Variants in CHCHD3 observed in about 807,000 individuals in gnomAD.
The protein encoded by CHCHD3 is coiled-coil-helix-coiled-coil-helix domain containing 3, also known as MICOS complex subunit MIC19.
In CHCHD3, 20 loss-of-function variants were observed where a neutral mutation model predicts 38.2. The observed-to-expected ratio is 0.52, with a 90% CI of 0.37 to 0.76. The LOEUF is 0.76. Ranked by LOEUF, CHCHD3 falls within the 30% of genes least tolerant of loss-of-function variation. The pLI, the probability that CHCHD3 is intolerant of heterozygous loss-of-function variation, is 0.00. For missense variants in CHCHD3, 245 were observed against 279.2 expected (o/e 0.88, Z 0.87); for synonymous variants, 82 against 100.0 (o/e 0.82, Z 1.07).
chr7:132,913,086 C>G (rs906830142), intron 4 of CHCHD3, among the ~76,000 whole-genome samples: 1 of 152,160 alleles, frequency 6.6e-6, no homozygotes, highest in Admixed American at 6.5e-5. Context: ...TAAATCAAAA[C>G]CCCAACTGTG....
At chr7:132,969,265 T>G (rs567938499) in intron 4 of CHCHD3, among the ~76,000 whole-genome samples, 1 of 152,062 alleles carries the variant, frequency 6.6e-6, no homozygotes, top group South Asian at 2.1e-4. Context: ...AACCTGACAC[T>G]TAACTTCAGA....
At chr7:132,825,479 AC>A (rs998566799) in intron 6 of CHCHD3, among the ~76,000 whole-genome samples, 1 of 152,242 alleles carries the variant, frequency 6.6e-6, no homozygotes, top group Non-Finnish European at 1.5e-5. Context: ...TTTGGTTCCC[AC>A]TTCTTGTCAA....
chr7:133,029,357 T>C (rs891673585), intron 2 of CHCHD3, among the ~76,000 whole-genome samples: 5 of 152,170 alleles, frequency 3.3e-5, no homozygotes, highest in African/African-American at 4.8e-5. Flanking sequence ...GTCACCATCT[T>C]ATAACTGAAA....
At chr7:132,912,387 G>A (rs1809974047) in intron 4 of CHCHD3, among the ~76,000 whole-genome samples, 1 of 152,154 alleles carries the variant, frequency 6.6e-6, no homozygotes, top group South Asian at 2.1e-4. Flanking sequence ...ACTACTAGTG[G>A]TTAAAGGTAA....
intron 4 of CHCHD3, among the ~76,000 whole-genome samples, chr7:132,905,709 C>T (rs1809785890): frequency 6.6e-6 from 1 of 152,174 alleles, no homozygotes; most frequent in Non-Finnish European, 1.5e-5. Context: ...CCACCCCACT[C>T]CTGCCACCAC....
intron 5 of CHCHD3, among the ~76,000 whole-genome samples, chr7:132,863,912 T>C (rs1188815270): frequency 6.6e-6 from 1 of 152,234 alleles, no homozygotes; most frequent in African/African-American, 2.4e-5. Context: ...GGTCTTACTC[T>C]AGATTAGGCT....
intron 3 of CHCHD3, among the ~76,000 whole-genome samples, chr7:133,001,900 A>T (rs1304059573): frequency 3.9e-5 from 6 of 152,208 alleles, no homozygotes. Flanking sequence ...TGTACTAAGA[A>T]CTGTACCTGG....
intron 5 of CHCHD3, among the ~76,000 whole-genome samples, chr7:132,868,013 T>C (rs1808673804): frequency 6.6e-6 from 1 of 152,128 alleles, no homozygotes; most frequent in African/African-American, 2.4e-5. Context: ...CATACTCCAA[T>C]AAAAAAGACG....
chr7:132,948,662 T>TA (rs1810961339), intron 4 of CHCHD3, among the ~76,000 whole-genome samples: 1 of 152,134 alleles, frequency 6.6e-6, no homozygotes, highest in Admixed American at 6.6e-5. Flanking sequence ...CTGAACATAC[T>TA]ATATCAATGG....
intron 2 of CHCHD3, among the ~76,000 whole-genome samples, chr7:133,034,126 T>C (rs1015181860): frequency 2.0e-5 from 3 of 152,236 alleles, no homozygotes; most frequent in Admixed American, 6.5e-5. Flanking sequence ...CAAAATTATC[T>C]ACACAGGATA....
intron 6 of CHCHD3, among the ~76,000 whole-genome samples, chr7:132,833,233 G>T (rs978998373): frequency 1.3e-5 from 2 of 152,148 alleles, no homozygotes; most frequent in African/African-American, 4.8e-5. Context: ...TATAAAATGC[G>T]ACATGAAGTG....
At chr7:132,962,436 A>G (rs1424066040) in intron 4 of CHCHD3, among the ~76,000 whole-genome samples, 1 of 152,236 alleles carries the variant, frequency 6.6e-6, no homozygotes, top group East Asian at 1.9e-4. Context: ...AGACGGAAAC[A>G]AAGGGCATAA....
chr7:133,008,546 A>C lies in CHCHD3; in HGVS notation c.251+16000T>G, dbSNP rs1584638945. 2.0e-5 allele frequency among the ~76,000 whole-genome samples: 3 copies of C among 152,316 alleles called. No homozygotes were observed. In the East Asian group the frequency reaches 5.8e-4, roughly 29 times the overall value. On this transcript the variant is annotated intron_variant, in intron 3 of 7. Transcript: ENST00000262570. ...AAATCCCCTTTGCCACCTTCATAAC[A>C]TCTCAAAGTCTTACAATGCATAAGA...
chr7:132,882,637 C>T (rs902534011), intron 5 of CHCHD3, among the ~76,000 whole-genome samples: 10 of 152,028 alleles, frequency 6.6e-5, no homozygotes, highest in African/African-American at 2.4e-4. Flanking sequence ...AACAAATCTT[C>T]TCAGACGTTT....
At chr7:132,942,906 G>A (rs949928453) in intron 4 of CHCHD3, among the ~76,000 whole-genome samples, 2 of 152,136 alleles carry the variant, frequency 1.3e-5, no homozygotes, top group Admixed American at 1.3e-4. Context: ...CTGGTTTGCT[G>A]CAGGAGGTCT....
intron 1 of CHCHD3, among the ~76,000 whole-genome samples, chr7:133,073,010 T>A (rs959222770): frequency 2.6e-5 from 4 of 152,154 alleles, no homozygotes; most frequent in African/African-American, 9.7e-5. Flanking sequence ...CTCACCACTC[T>A]CTGGCTTTTA....
At chr7:132,994,933 C>G (rs964710972) in intron 3 of CHCHD3, among the ~76,000 whole-genome samples, 1 of 152,222 alleles carries the variant, frequency 6.6e-6, no homozygotes, top group Non-Finnish European at 1.5e-5. Context: ...CTCCTTAGAT[C>G]ACAGCAATCA....
Position 133,024,716 on chromosome 7 carries a change from T to C in CHCHD3, c.170-89A>G. On this transcript the variant is annotated intron_variant, in intron 2 of 7. Coordinates refer to ENST00000262570, the MANE Select transcript of CHCHD3 (RefSeq NM_017812.4). Reference sequence around the variant, plus strand: ...ATACTCAGGAAAGCCCGGCTGAGACTAGATTTGAACAGGCAAAGTTCTGCC... The same window carrying C: ...ATACTCAGGAAAGCCCGGCTGAGACCAGATTTGAACAGGCAAAGTTCTGCC... 4 of 1,009,212 alleles carry C rather than the reference T, an allele frequency of 4.0e-6. No homozygotes were observed. The South Asian group carries it at 5.2e-5, about 13-fold the overall frequency. 62.5% of individuals were successfully genotyped at this position (1,009,212 alleles called of 1,614,324 possible).
At chr7:132,815,286 C>T (rs1332886360) in intron 6 of CHCHD3, among the ~76,000 whole-genome samples, 3 of 152,162 alleles carry the variant, frequency 2.0e-5, no homozygotes, top group Non-Finnish European at 4.4e-5. Flanking sequence ...AGTCTTATTT[C>T]CCTGCTTATA....
Sources: gnomAD v4.1 joint callset for allele counts (sites outside exome capture counted in the v4.1 genomes callset) on GRCh38, gnomAD v4.1.1 for gene constraint, MANE v1.5 for transcripts, NCBI Gene and HGNC (gene_info 2026-07-23, HGNC 2026-07-21) for gene names.